GRIN2A: variants seen among roughly 807,000 people sequenced by gnomAD.
GRIN2A encodes glutamate receptor ionotropic, NMDA 2A.
A neutral mutation model predicts 113.4 loss-of-function variants in GRIN2A; 22 were observed. The observed-to-expected ratio is 0.19, with a 90% CI of 0.14 to 0.28. GRIN2A has a LOEUF of 0.28. Ranked by LOEUF, GRIN2A falls within the 10% of genes least tolerant of loss-of-function variation. GRIN2A has a pLI of 1.00. For missense variants in GRIN2A, 1,502 were observed against 1,887.0 expected, an observed-to-expected ratio of 0.80 and a Z score of 3.78; for synonymous variants, 827 against 738.4, an observed-to-expected ratio of 1.12 and a Z score of -1.94.
intron 2 of GRIN2A, among the ~76,000 whole-genome samples, chr16:9,947,392 C>G (rs1005398336): frequency 5.3e-5 from 8 of 152,208 alleles, no homozygotes; most frequent in Non-Finnish European, 7.3e-5. Context: ...AGAGAAAAAG[C>G]AAACCAGTCC....
chr16:9,931,785 G>A (rs987524600), intron 3 of GRIN2A, among the ~76,000 whole-genome samples: 2 of 152,168 alleles, frequency 1.3e-5, no homozygotes, highest in African/African-American at 4.8e-5. Flanking sequence ...AGGTAAACGT[G>A]TGCACATGTG....
At chr16:9,850,361 C>T (rs535874253) in intron 4 of GRIN2A, among the ~76,000 whole-genome samples, 1 of 152,306 alleles carries the variant, frequency 6.6e-6, no homozygotes, top group Admixed American at 6.5e-5. Flanking sequence ...TAGGCAAGCT[C>T]TTAATCCTAA....
intron 2 of GRIN2A, among the ~76,000 whole-genome samples, chr16:10,054,517 C>T (rs2047412594): frequency 6.6e-6 from 1 of 152,178 alleles, no homozygotes; most frequent in Admixed American, 6.5e-5. Context: ...ATGCCCACAT[C>T]CTATGACCCA....
chr16:9,999,447 A>G (rs2046284162), intron 2 of GRIN2A, among the ~76,000 whole-genome samples: 1 of 152,224 alleles, frequency 6.6e-6, no homozygotes, highest in Non-Finnish European at 1.5e-5. Context: ...TTGTAGGGAC[A>G]TGGATGAAGC....
rs1900296149 is a variant in GRIN2A, at chr16:9,754,968, C to T, written c.*8181G>A. The T allele has an allele frequency of 9.5e-6, 2 of 210,140 alleles. No individual in the cohort carries two copies. The highest frequency in any genetic ancestry group is 7.2e-5 in the East Asian group (1 of 13,972). The allele number at this position is 210,140 out of a possible 1,614,324, so 13.0% of individuals were successfully genotyped here. A position where few individuals can be genotyped will look rare whatever the true frequency, so the allele number is the denominator to read the frequency against. On this transcript the variant is annotated 3_prime_UTR_variant, in exon 13 of 13. Transcript: ENST00000330684. ...CAATTAACCTCATTAATTTGAAAGG[C>T]AGCTGTGGTATTGGCTATGAGTTAT... is the stretch of plus-strand genomic sequence containing the variant.
intron 5 of GRIN2A, among the ~76,000 whole-genome samples, chr16:9,846,636 G>A (rs940726364): frequency 6.6e-6 from 1 of 152,158 alleles, no homozygotes; most frequent in Admixed American, 6.5e-5. Context: ...CTATATGTAG[G>A]TGGCTCAGAA....
At chr16:9,821,591 C>G (rs778643915) in intron 10 of GRIN2A, among the ~76,000 whole-genome samples, 19 of 152,190 alleles carry the variant, frequency 1.2e-4, no homozygotes, top group Non-Finnish European at 2.1e-4. Context: ...AAAAGGCTTT[C>G]CATCAGATTT....
chr16:9,984,368 AT>A (rs2045943610), intron 2 of GRIN2A, among the ~76,000 whole-genome samples: 1 of 151,764 alleles, frequency 6.6e-6, no homozygotes, highest in South Asian at 2.1e-4. Context: ...AAGCTTTTAC[AT>A]TTGTCTATTT....
intron 2 of GRIN2A, among the ~76,000 whole-genome samples, chr16:9,994,978 C>T (rs1439221964): frequency 6.6e-6 from 1 of 152,130 alleles, no homozygotes; most frequent in Admixed American, 6.5e-5. Flanking sequence ...GGGAGGGGCT[C>T]TTGGAGACTG....
chr16:9,764,102 G>A lies in GRIN2A; in HGVS notation c.3442C>T (p.Pro1148Ser), dbSNP rs2141132231. ...NVTLPENVDFPDPYQDPSENF... is the reference protein window; with the variant it reads ...NVTLPENVDFSDPYQDPSENF... ...TCACTGGGATCCTGGTAGGGGTCCG[G>A]GAAGTCCACGTTCTCGGGCAGGGTC... Residue 1148 changes from proline (P) to serine (S), a missense_variant, in exon 13 of 13, where the codon CCG becomes TCG. Around this residue, in one of 7 missense-constraint regions of GRIN2A, gnomAD observed 832 missense variants for 789.7 expected, o/e 1.05. Transcript: ENST00000330684. 1 of 1,613,800 alleles carries A rather than the reference G, an allele frequency of 6.2e-7. No homozygotes were observed. The highest frequency in any genetic ancestry group is 8.5e-7 in the Non-Finnish European group (1 of 1,179,782).
chr16:10,103,391 A>C (rs889071013), intron 2 of GRIN2A, among the ~76,000 whole-genome samples: 3 of 152,184 alleles, frequency 2.0e-5, no homozygotes, highest in African/African-American at 7.2e-5. Flanking sequence ...GAGTCTCTGA[A>C]GGGCAGTGAT....
intron 2 of GRIN2A, among the ~76,000 whole-genome samples, chr16:10,038,402 A>G (rs1305733399): frequency 6.6e-6 from 1 of 152,096 alleles, no homozygotes; most frequent in Middle Eastern, 3.2e-3. Context: ...TCTTAACCCC[A>G]GCACTGCGAA....
intron 2 of GRIN2A, among the ~76,000 whole-genome samples, chr16:9,957,441 A>G (rs1462053223): frequency 6.6e-6 from 1 of 152,198 alleles, no homozygotes; most frequent in African/African-American, 2.4e-5. Flanking sequence ...TTGGGTCCTG[A>G]TACTGTGGTA....
chr16:10,042,759 G>A (rs1404077178), intron 2 of GRIN2A, among the ~76,000 whole-genome samples: 4 of 152,086 alleles, frequency 2.6e-5, no homozygotes, highest in Non-Finnish European at 4.4e-5. Context: ...GAGGCGGCAT[G>A]GGGAAACATT....
chr16:9,879,463 T>A (rs1271951212), intron 4 of GRIN2A, among the ~76,000 whole-genome samples: 1 of 152,184 alleles, frequency 6.6e-6, no homozygotes, highest in African/African-American at 2.4e-5. Context: ...TGCCAGAGAA[T>A]CAGTGCAGCC....
intron 2 of GRIN2A, among the ~76,000 whole-genome samples, chr16:10,079,781 G>T (rs1393982273): frequency 6.6e-6 from 1 of 152,192 alleles, no homozygotes; most frequent in Non-Finnish European, 1.5e-5. Flanking sequence ...TGCTATAGCA[G>T]CCCAAACAGA....
chr16:9,950,255 C>T (rs1027287756), intron 2 of GRIN2A, among the ~76,000 whole-genome samples: 12 of 152,228 alleles, frequency 7.9e-5, no homozygotes, highest in Non-Finnish European at 1.6e-4. Flanking sequence ...ATCTCTAGCC[C>T]ACTCCCAAGC....
In GRIN2A at chr16:9,763,336, G is replaced by C. The variant is rs1456715393; in HGVS notation, c.4208C>G (p.Ser1403Trp). Residue 1403 changes from serine to tryptophan, a missense_variant, in exon 13 of 13, where the codon TCG (serine) becomes TGG (tryptophan). By Grantham distance (177) the Ser-to-Trp change is radical (BLOSUM62 -3). Coordinates refer to ENST00000330684, the MANE Select transcript of GRIN2A (RefSeq NM_001134407.3). ...SQAVNDSYLR[S>W]SLRSTASYCS... The stretch of plus-strand genomic sequence containing the variant: ...GTACGATGCCGTTGACCTCAAGGAC[G>C]ACCGAAGATAGCTGTCATTCACCGC... The C allele has an allele frequency of 3.1e-6, 5 of 1,613,978 alleles. No homozygotes were observed. The highest frequency in any genetic ancestry group is 2.7e-5 in the African/African-American group (2 of 74,910).
At chr16:9,950,377 T>A (rs1336168933) in intron 2 of GRIN2A, among the ~76,000 whole-genome samples, 1 of 152,058 alleles carries the variant, frequency 6.6e-6, no homozygotes, top group Non-Finnish European at 1.5e-5. Context: ...TTGGACCTCA[T>A]GGTTACTTGA....
Sources: allele counts gnomAD v4.1 joint callset (sites outside exome capture counted in the v4.1 genomes callset), GRCh38; gene constraint gnomAD v4.1.1; regional missense constraint gnomAD v4.1.1; transcripts MANE v1.5; gene names NCBI Gene and HGNC (gene_info 2026-07-23, HGNC 2026-07-21).